Variants in STAC2 observed in about 807,000 individuals in gnomAD.
STAC2 encodes the protein SH3 and cysteine rich domain 2, also known as SH3 and cysteine-rich domain-containing protein 2.
Under a neutral mutation model 49.0 loss-of-function variants are expected in STAC2, and 36 were observed. That is an observed-to-expected ratio of 0.74 (90% CI 0.56 to 0.97). The LOEUF (loss-of-function observed/expected upper bound fraction) is 0.97. STAC2 is among the 50% of genes least tolerant of loss of function. The pLI is 0.00. For missense variants in STAC2, 527 were observed against 543.8 expected (o/e 0.97, Z 0.31); for synonymous variants, 239 against 214.7 (o/e 1.11, Z -0.99).
At chr17:39,218,290 G>A (rs1242307350) in intron 1 of STAC2, 117 bp from the exon 2 acceptor site, 1 of 1,053,144 alleles carries the variant, frequency 9.5e-7, no homozygotes, top group East Asian at 2.4e-5. Flanking sequence ...CAGCAGCGTG[G>A]GGGCTGAGGG....
In STAC2 at chr17:39,214,250, G is replaced by C. The variant is rs1283711007; in HGVS notation, c.924C>G (p.Asn308Lys). 3.7e-6 allele frequency: 6 copies of C among 1,614,024 alleles called. No homozygotes were observed. The highest frequency in any genetic ancestry group is 4.2e-6 in the Non-Finnish European group (5 of 1,179,928). Reference protein sequence around the residue: ...VALYKFLPQENNDLALQPGDR... With the variant: ...VALYKFLPQEKNDLALQPGDR... Reference sequence around the variant, plus strand: ...GGACTTACTGCAGAGCCAGATCATTGTTCTCCTGGGGCAGAAACTTGTAGA... The same window carrying C: ...GGACTTACTGCAGAGCCAGATCATTCTTCTCCTGGGGCAGAAACTTGTAGA... Residue 308 changes from asparagine (N) to lysine (K), a missense_variant, in exon 8 of 11, where the codon AAC becomes AAG. Coordinates refer to ENST00000333461, the MANE Select transcript of STAC2 (RefSeq NM_198993.5).
chr17:39,213,649 G>T, intron 8 of STAC2, 91 bp from the exon 9 acceptor site: 21 of 996,736 alleles, frequency 2.1e-5, no homozygotes, highest in African/African-American at 3.3e-5. Context: ...GGACACTGCA[G>T]TCCTCAGCTG....
intron 1 of STAC2, among the ~76,000 whole-genome samples, chr17:39,222,062 C>T (rs893293761): frequency 3.9e-5 from 6 of 152,204 alleles, no homozygotes; most frequent in Non-Finnish European, 5.9e-5. Flanking sequence ...CTGGGATTTT[C>T]GCCTATCAGC....
intron 1 of STAC2, among the ~76,000 whole-genome samples, chr17:39,220,074 G>A (rs955133934): frequency 2.6e-5 from 4 of 152,208 alleles, no homozygotes; most frequent in Non-Finnish European, 5.9e-5. Flanking sequence ...AAAGCCCTGG[G>A]GTGTCTGGCA....
intron 1 of STAC2, among the ~76,000 whole-genome samples, chr17:39,222,602 C>T (rs1266074027): frequency 6.6e-6 from 1 of 152,218 alleles, no homozygotes; most frequent in Non-Finnish European, 1.5e-5. Context: ...CTTTGCCCAT[C>T]TCTTCTCCCC....
intron 2 of STAC2, among the ~76,000 whole-genome samples, chr17:39,217,511 C>T (rs1022202698): frequency 6.6e-6 from 1 of 151,998 alleles, no homozygotes; most frequent in African/African-American, 2.4e-5. Flanking sequence ...ATTGCTTGAG[C>T]CCAGGGTTTG....
chr17:39,214,892 C>T (rs745403990), intron 6 of STAC2, 31 bp from the exon 7 acceptor site: 3 of 1,613,922 alleles, frequency 1.9e-6, no homozygotes, highest in Non-Finnish European at 2.5e-6. Flanking sequence ...GGGTGAGAGG[C>T]AGCAGGGAGC....
chr17:39,220,184 G>A (rs1414804105), intron 1 of STAC2, among the ~76,000 whole-genome samples: 2 of 152,160 alleles, frequency 1.3e-5, no homozygotes, highest in African/African-American at 2.4e-5. Context: ...CCAGATGCCT[G>A]GGCCTTGGAG....
chr17:39,215,571 C>T (rs1160640628), intron 4 of STAC2, among the ~76,000 whole-genome samples: 1 of 152,244 alleles, frequency 6.6e-6, no homozygotes, highest in Non-Finnish European at 1.5e-5. Flanking sequence ...CAACTGGTCT[C>T]CCTGCTTCCA....
At chr17:39,219,873 G>A (rs1695301569) in intron 1 of STAC2, among the ~76,000 whole-genome samples, 1 of 152,236 alleles carries the variant, frequency 6.6e-6, no homozygotes, top group African/African-American at 2.4e-5. Flanking sequence ...CAGGCAGAGG[G>A]ACTTGGCCAG....
rs2144222441 is a variant in STAC2, at chr17:39,210,847, G to A, written c.*1445C>T. On this transcript the variant is annotated 3_prime_UTR_variant, in exon 11 of 11. Transcript: ENST00000333461. ...GAGGAGGATCTGAGCTTGGGGGAGG[G>A]AGGTTGGCACCGAGAAAAGCAGCTG... is the stretch of plus-strand genomic sequence containing the variant. 1 of 152,478 alleles carries A rather than the reference G, an allele frequency of 6.6e-6. No individual in the cohort carries two copies. Among genetic ancestry groups the A allele is most frequent in the East Asian group, 1.9e-4 (1 of 5,298 alleles). 9.4% of individuals were successfully genotyped at this position (152,478 alleles called of 1,614,324 possible).
chr17:39,212,943 C>T (rs771611916), intron 10 of STAC2, 52 bp downstream of exon 10: 88 of 1,601,028 alleles, frequency 5.5e-5, no homozygotes, highest in Admixed American at 6.7e-5. Flanking sequence ...CTGTCTCCCC[C>T]GCCCACTCCC....
chr17:39,224,117 C>T (rs746059337), intron 1 of STAC2, among the ~76,000 whole-genome samples: 10 of 152,136 alleles, frequency 6.6e-5, no homozygotes, highest in Non-Finnish European at 1.0e-4. Context: ...CCTCCTCCTC[C>T]GGTCACTCCC....
chr17:39,214,409 A>C, intron 7 of STAC2, 79 bp from the exon 8 acceptor site: 1 of 1,593,098 alleles, frequency 6.3e-7, no homozygotes, highest in Non-Finnish European at 8.6e-7. Context: ...TGAGTGTGCT[A>C]CCCTGGGGGC....
At position 39,217,998 on chromosome 17, in the gene STAC2, G is replaced by A; in HGVS notation, c.266C>T (p.Ala89Val). The change falls in exon 2 of 11, where the codon GCT (alanine) becomes GTT (valine). Residue 89 changes from alanine (A) to valine (V), a missense_variant. Coordinates refer to ENST00000333461, the MANE Select transcript of STAC2 (RefSeq NM_198993.5). ...PPPTASDRGL[A>V]TPSPSPCPVP... Reference sequence around the variant, plus strand: ...TGGGCATGGGGAGGGGGATGGGGTAGCCAGGCCCCTGTCCGAGGCTGTGGG... The same window carrying A: ...TGGGCATGGGGAGGGGGATGGGGTAACCAGGCCCCTGTCCGAGGCTGTGGG... 2 of 1,577,910 alleles carry A rather than the reference G, an allele frequency of 1.3e-6. No homozygotes were observed. The highest frequency in any genetic ancestry group is 2.1e-4 in the Middle Eastern group (1 of 4,698).
chr17:39,215,228 C>G lies in STAC2; in HGVS notation c.589G>C (p.Asp197His). 1 of 1,613,966 alleles carries G rather than the reference C, an allele frequency of 6.2e-7. No individual in the cohort carries two copies. The highest frequency in any genetic ancestry group is 1.3e-5 in the African/African-American group (1 of 75,014). ...ATSKESPPTG[D>H]SGKVDPVYET... ...TAGACAGGGTCCACCTTCCCACTGT[C>G]CCCTGCAGATTATCCACCCTCAAGG... is the stretch of plus-strand genomic sequence containing the variant. Residue 197 changes from aspartate to histidine, a missense_variant and splice_region_variant, in exon 5 of 11, where the codon GAC becomes CAC. Transcript: ENST00000333461.
rs781726383 is a variant in STAC2, at chr17:39,213,117, G to C, written c.1009C>G (p.Arg337Gly). The change falls in exon 10 of 11, where the codon CGG becomes GGG. Residue 337 changes from arginine (R) to glycine (G), a missense_variant. Coordinates refer to ENST00000333461, the MANE Select transcript of STAC2 (RefSeq NM_198993.5). The part of the protein sequence containing the change: ...EDWWKGKIGD[R>G]VGFFPANFVQ... ...AAATTAGCTGGGAAGAAGCCAACCC[G>C]GTCGCCGATCTTGCCCTGGGGATGA... 9 of 1,609,188 alleles carry C rather than the reference G, an allele frequency of 5.6e-6. No individual in the cohort carries two copies. Among genetic ancestry groups the C allele is most frequent in the Non-Finnish European group, 7.6e-6 (9 of 1,179,994 alleles).
rs1445155674 is a variant in STAC2 at position 39,225,656 on chromosome 17, C to A, written c.-154G>T. The A allele has an allele frequency of 8.0e-6, 6 of 751,542 alleles. No homozygotes were observed. The highest frequency in any genetic ancestry group is 1.3e-5 in the Non-Finnish European group (6 of 456,940). The allele number at this position is 751,542 out of a possible 1,614,324, so 46.6% of individuals were successfully genotyped here. A position where few individuals can be genotyped will look rare whatever the true frequency, so the allele number is the denominator to read the frequency against. ...CACGGCAGCCCCCAACCCGCGGGAGCGGGCAGAGAAAGTTGCCGGGGTGGC... is the reference window on the plus strand; with the variant it reads ...CACGGCAGCCCCCAACCCGCGGGAGAGGGCAGAGAAAGTTGCCGGGGTGGC... On this transcript the variant is annotated 5_prime_UTR_variant, in exon 1 of 11. Transcript: ENST00000333461. The surrounding 1 kb of genome is among the most constrained non-coding windows in gnomAD (Gnocchi z 8.2).
intron 8 of STAC2, 111 bp from the exon 9 acceptor site, chr17:39,213,669 A>ATTTTTTT: frequency 2.0e-6 from 1 of 490,770 alleles, no homozygotes; most frequent in African/African-American, 2.3e-5. Flanking sequence ...GGGAGAGACG[A>ATTTTTTT]TTCTTTTTTT....
Sources: gnomAD v4.1 joint callset for allele counts (sites outside exome capture counted in the v4.1 genomes callset) on GRCh38, gnomAD v4.1.1 for gene constraint, Gnocchi (gnomAD v3.1) non-coding constraint, MANE v1.5 for transcripts, NCBI Gene and HGNC (gene_info 2026-07-23, HGNC 2026-07-21) for gene names.